Variants in POC5 observed in about 807,000 individuals in gnomAD.
POC5 encodes centrosomal protein POC5.
A neutral mutation model predicts 62.9 loss-of-function variants in POC5; 48 were observed. The observed-to-expected ratio is 0.76, with a 90% CI of 0.61 to 0.97. The LOEUF is 0.97. POC5 is among the 50% of genes least tolerant of loss of function. The probability of loss-of-function intolerance (pLI) is 0.00; values close to 1 mark genes in which losing one functional copy is unlikely to be tolerated. For missense variants in POC5, 696 were observed against 679.5 expected (o/e 1.02, Z -0.27); for synonymous variants, 236 against 228.2 (o/e 1.03, Z -0.31).
At chr5:75,700,305 C>G (rs1202249948) in intron 5 of POC5, among the ~76,000 whole-genome samples, 1 of 151,656 alleles carries the variant, frequency 6.6e-6, no homozygotes, top group African/African-American at 2.4e-5. Context: ...ATCACACTAC[C>G]TGACTTCAAA....
chr5:75,681,778 T>G (rs1367835182), intron 10 of POC5, among the ~76,000 whole-genome samples: 1 of 152,054 alleles, frequency 6.6e-6, no homozygotes. Context: ...AAAAAATTTT[T>G]GAATGTTCAT....
At chr5:75,676,724 A>C (rs762268042) in intron 11 of POC5, among the ~76,000 whole-genome samples, 5 of 152,096 alleles carry the variant, frequency 3.3e-5, no homozygotes, top group Non-Finnish European at 7.4e-5. Context: ...CGGGAGGCTG[A>C]GGCAGGAGAA....
intron 5 of POC5, among the ~76,000 whole-genome samples, chr5:75,695,559 A>C (rs1249558723): frequency 6.6e-6 from 1 of 152,202 alleles, no homozygotes; most frequent in African/African-American, 2.4e-5. Context: ...CACAGAACTC[A>C]CATGGGCCAT....
intron 10 of POC5, among the ~76,000 whole-genome samples, chr5:75,679,356 TTAAG>T (rs1335129790): frequency 2.0e-5 from 3 of 152,202 alleles, no homozygotes; most frequent in Non-Finnish European, 2.9e-5. Flanking sequence ...AAGGCATTTA[TTAAG>T]TATCAATCTT....
intron 7 of POC5, among the ~76,000 whole-genome samples, chr5:75,691,405 ACAC>A (rs1396439247): frequency 2.0e-5 from 3 of 152,212 alleles, no homozygotes; most frequent in Non-Finnish European, 4.4e-5. Flanking sequence ...TGTCAGCATG[ACAC>A]CACAAGTGAA....
chr5:75,702,496 C>G (rs1776929129), intron 5 of POC5, 109 bp downstream of exon 5: 3 of 1,079,188 alleles, frequency 2.8e-6, no homozygotes, highest in African/African-American at 1.6e-5. Flanking sequence ...TCTCAGGAAA[C>G]AAAAGATTTT....
intron 1 of POC5, among the ~76,000 whole-genome samples, chr5:75,717,016 C>A (rs1445566135): frequency 6.6e-6 from 1 of 152,236 alleles, no homozygotes; most frequent in Non-Finnish European, 1.5e-5. Flanking sequence ...TAAGAAAAAT[C>A]TTACTTAAGC....
chr5:75,695,632 G>C (rs1200333465), intron 5 of POC5, among the ~76,000 whole-genome samples: 4 of 151,994 alleles, frequency 2.6e-5, no homozygotes, highest in Non-Finnish European at 5.9e-5. Flanking sequence ...CAGAAAAACT[G>C]TCATTTTCTC....
chr5:75,685,358 G>A lies in POC5; in HGVS notation c.1256C>T (p.Ser419Phe). 3.1e-6 allele frequency: 5 copies of A among 1,614,038 alleles called. No homozygotes were observed. The highest frequency in any genetic ancestry group is 1.7e-6 in the Non-Finnish European group (2 of 1,179,900). Residue 419 changes from serine (S) to phenylalanine (F), a missense_variant, in exon 10 of 12, where the codon TCC (serine) becomes TTC (phenylalanine). Transcript: ENST00000428202. ...GGCTCCTCCGACGGCGGCTGGTGGG[G>A]ATGGCAGCAGTGGTGATGTAACTGG... ...PLPVTSPLLP[S>F]PPAAVGGASA...
chr5:75,694,552 T>C, intron 6 of POC5, 103 bp downstream of exon 6: 7 of 947,594 alleles, frequency 7.4e-6, no homozygotes, highest in Non-Finnish European at 1.0e-5. Context: ...CAGTTTCTGA[T>C]AGAACCTGTA....
At chr5:75,716,638 G>A (rs951578581) in intron 1 of POC5, among the ~76,000 whole-genome samples, 2 of 152,114 alleles carry the variant, frequency 1.3e-5, no homozygotes, top group African/African-American at 4.8e-5. Context: ...AATGGGTGGC[G>A]GACGCACATT....
At chr5:75,715,326 A>T (rs1777512259) in intron 1 of POC5, among the ~76,000 whole-genome samples, 1 of 151,744 alleles carries the variant, frequency 6.6e-6, no homozygotes, top group South Asian at 2.1e-4. Flanking sequence ...AAAAAAAAAA[A>T]AAAAGAACTG....
rs538552028 is a variant in POC5 at position 75,692,373 on chromosome 5, C to A, written c.795+23G>T. ...AATTCAGAAGTCTAACATCCATCAG[C>A]TGTCTTCTGCTTTGACACTTACATC... On this transcript the variant is annotated intron_variant, in intron 7 of 11. Coordinates refer to ENST00000428202, the MANE Select transcript of POC5 (RefSeq NM_001099271.2). 13 of 1,508,824 alleles carry A rather than the reference C, an allele frequency of 8.6e-6. No homozygotes were observed. In the African/African-American group the frequency reaches 9.8e-5, roughly 11 times the overall value. 93.5% of individuals were successfully genotyped at this position (1,508,824 alleles called of 1,614,324 possible).
At chr5:75,691,514 G>A (rs1776337766) in intron 7 of POC5, among the ~76,000 whole-genome samples, 1 of 152,108 alleles carries the variant, frequency 6.6e-6, no homozygotes, top group African/African-American at 2.4e-5. Flanking sequence ...TGTATAAGGT[G>A]AAATATGAAA....
chr5:75,710,558 C>T lies in POC5; in HGVS notation c.84+2296G>A, dbSNP rs146012206. ...CATACTGTACTGAGGAAAGGCCATG[C>T]AAAGATACAGCAAGAAGGCACCTGT... On this transcript the variant is annotated intron_variant, in intron 2 of 11. Coordinates refer to ENST00000428202, the MANE Select transcript of POC5 (RefSeq NM_001099271.2). Among the ~76,000 whole-genome samples, 182 of 152,252 alleles carry T rather than the reference C, an allele frequency of 1.2e-3. 1 individual carries two copies. The East Asian group carries it at 0.03, about 25-fold the overall frequency.
intron 10 of POC5, among the ~76,000 whole-genome samples, chr5:75,680,069 A>G (rs138604909): frequency 6.6e-6 from 1 of 152,308 alleles, no homozygotes; most frequent in African/African-American, 2.4e-5. Flanking sequence ...GACTAAATTC[A>G]TGCTTCTGGC....
intron 1 of POC5, among the ~76,000 whole-genome samples, chr5:75,715,573 C>T (rs952651474): frequency 2.6e-5 from 4 of 152,076 alleles, no homozygotes; most frequent in African/African-American, 9.7e-5. Context: ...CCTTATAATC[C>T]AATCACTTCC....
At chr5:75,679,642 A>G (rs1775799877) in intron 10 of POC5, among the ~76,000 whole-genome samples, 2 of 152,158 alleles carry the variant, frequency 1.3e-5, no homozygotes, top group South Asian at 2.1e-4. Flanking sequence ...AGAACAAAAC[A>G]TTATACCAGA....
At position 75,705,696 on chromosome 5, in the gene POC5, A is replaced by C. The variant is rs2112190429; in HGVS notation, c.307+8T>G. 1 of 1,495,170 alleles carries C rather than the reference A, an allele frequency of 6.7e-7. No individual in the cohort carries two copies. The highest frequency in any genetic ancestry group is 1.3e-5 in the South Asian group (1 of 74,684). The allele number at this position is 1,495,170 out of a possible 1,614,324, so 92.6% of individuals were successfully genotyped here. ...TATTAATACAAATAAGCTAAAGAAA[A>C]ATCATACCATCTGTCTTTGAATGAC... is the stretch of plus-strand genomic sequence containing the variant. On this transcript the variant is annotated splice_region_variant and intron_variant, in intron 4 of 11. Transcript: ENST00000428202.
Sources: gnomAD v4.1 joint callset for allele counts (sites outside exome capture counted in the v4.1 genomes callset) on GRCh38, gnomAD v4.1.1 for gene constraint, MANE v1.5 for transcripts, NCBI Gene and HGNC (gene_info 2026-07-23, HGNC 2026-07-21) for gene names.